DCAF10: variants seen among roughly 807,000 people sequenced by gnomAD.
The protein encoded by DCAF10 is DDB1 and CUL4 associated factor 10, also known as DDB1- and CUL4-associated factor 10.
A neutral mutation model predicts 51.9 loss-of-function variants in DCAF10; 19 were observed. The observed-to-expected ratio is 0.37, with a 90% CI of 0.26 to 0.54. The LOEUF is 0.54. Among genes scored for constraint, DCAF10 ranks in the 20% least tolerant of loss-of-function variants. The pLI is 0.87. For synonymous variants in DCAF10, 291 were observed against 297.1 expected, an observed-to-expected ratio of 0.98 and a Z score of 0.21; for missense variants, 510 against 730.6, an observed-to-expected ratio of 0.70 and a Z score of 3.48.
chr9:37,812,248 ACTT>A (rs1341767607), intron 1 of DCAF10, among the ~76,000 whole-genome samples: 2 of 152,088 alleles, frequency 1.3e-5, no homozygotes, highest in African/African-American at 4.8e-5. Context: ...ATCCCTACCA[ACTT>A]CTTCAAAAAC....
intron 3 of DCAF10, among the ~76,000 whole-genome samples, chr9:37,844,737 G>A (rs2118062907): frequency 6.6e-6 from 1 of 152,242 alleles, no homozygotes; most frequent in Admixed American, 6.5e-5. Context: ...CCCAGCTACT[G>A]AGGCAGGAGA....
In DCAF10 at chr9:37,829,330, C is replaced by G. The variant is rs1829942935; in HGVS notation, c.653+9929C>G. Among the ~76,000 whole-genome samples, 1 of 152,124 alleles carries G rather than the reference C, an allele frequency of 6.6e-6. No homozygotes were observed. The highest frequency in any genetic ancestry group is 2.4e-5 in the African/African-American group (1 of 41,438). On this transcript the variant is annotated intron_variant, in intron 2 of 6. Coordinates refer to ENST00000377724, the MANE Select transcript of DCAF10 (RefSeq NM_024345.5). This position sits in a 1 kb window ranked among gnomAD's most constrained non-coding sequence, Gnocchi z 4.2. ...TCGTGCATGCCTGTAATCCCAGCTA[C>G]TCGGGAGGCTGAGACAGGAGAATCA...
At chr9:37,802,560 T>C (rs1828987632) in intron 1 of DCAF10, among the ~76,000 whole-genome samples, 1 of 152,110 alleles carries the variant, frequency 6.6e-6, no homozygotes, top group Non-Finnish European at 1.5e-5. Context: ...AAAATAGGTT[T>C]ACAAAGCAAA....
intron 1 of DCAF10, among the ~76,000 whole-genome samples, chr9:37,802,054 AC>A (rs1299644180): frequency 6.6e-6 from 1 of 152,190 alleles, no homozygotes; most frequent in Non-Finnish European, 1.5e-5. Flanking sequence ...TCTTGTCAGT[AC>A]ACAAGTCCGC....
intron 5 of DCAF10, among the ~76,000 whole-genome samples, chr9:37,858,893 C>T (rs1401528396): frequency 6.6e-6 from 1 of 151,292 alleles, no homozygotes; most frequent in Non-Finnish European, 1.5e-5. Context: ...TCTTGACCCT[C>T]CAGCCTTCCC....
intron 2 of DCAF10, among the ~76,000 whole-genome samples, chr9:37,834,794 C>CTTTT (rs372584446): frequency 2.1e-5 from 3 of 144,220 alleles, no homozygotes; most frequent in Non-Finnish European, 4.5e-5. Flanking sequence ...CAATCACGTA[C>CTTTT]TTTTTTTTTT....
upstream of DCAF10, chr9:37,800,561 C>T: frequency 6.5e-7 from 1 of 1,534,364 alleles, no homozygotes. Flanking sequence ...GCCACTCATC[C>T]CCAGGCACGC....
intron 1 of DCAF10, among the ~76,000 whole-genome samples, chr9:37,802,876 G>C (rs1829000917): frequency 6.6e-6 from 1 of 152,174 alleles, no homozygotes; most frequent in Non-Finnish European, 1.5e-5. Flanking sequence ...AACACGAACA[G>C]TCTGTCCTCA....
At chr9:37,802,750 C>T (rs1334335307) in intron 1 of DCAF10, among the ~76,000 whole-genome samples, 1 of 152,154 alleles carries the variant, frequency 6.6e-6, no homozygotes, top group African/African-American at 2.4e-5. Context: ...GCAGTGGATG[C>T]ACACCTGAAT....
In DCAF10 at chr9:37,866,174, A is replaced by G. The variant is rs1203837127; in HGVS notation, c.*4666A>G. 2 of 152,624 alleles carry G rather than the reference A, an allele frequency of 1.3e-5. No individual in the cohort carries two copies. The highest frequency in any genetic ancestry group is 2.4e-5 in the African/African-American group (1 of 41,450). The allele number at this position is 152,624 out of a possible 1,614,324, so 9.5% of individuals were successfully genotyped here. ...GTACATATGAATTTTTGGATAGCTA[A>G]TGTATATCTCTCAAGTGCCAACATT... On this transcript the variant is annotated 3_prime_UTR_variant, in exon 7 of 7. Transcript: ENST00000377724.
At chr9:37,819,720 G>A (rs1421673453) in intron 2 of DCAF10, among the ~76,000 whole-genome samples, 1 of 152,178 alleles carries the variant, frequency 6.6e-6, no homozygotes, top group East Asian at 1.9e-4. Flanking sequence ...GATTTGTGTA[G>A]AATGATGGCA....
In DCAF10 at chr9:37,848,989, A is replaced by C. The variant is rs913518344; in HGVS notation, c.852-5791A>C. ...CTCTGTCTCAAAAAAAAAAAAAAAA[A>C]AACTTAATTTACACCTAAAATGAGT... On this transcript the variant is annotated intron_variant, in intron 3 of 6. Coordinates refer to ENST00000377724, the MANE Select transcript of DCAF10 (RefSeq NM_024345.5). Among the ~76,000 whole-genome samples, 350 of 150,226 alleles carry C rather than the reference A, an allele frequency of 2.3e-3. 2 individuals carry two copies. The highest frequency in any genetic ancestry group is 8.2e-3 in the African/African-American group (334 of 40,972).
chr9:37,826,423 T>C (rs1036877058), intron 2 of DCAF10, among the ~76,000 whole-genome samples: 1 of 152,238 alleles, frequency 6.6e-6, no homozygotes. Context: ...TGTATCTTGA[T>C]GGCTGATGGG....
intron 2 of DCAF10, among the ~76,000 whole-genome samples, chr9:37,824,285 C>A (rs1413661783): frequency 1.3e-5 from 2 of 152,034 alleles, no homozygotes; most frequent in Admixed American, 6.6e-5. Context: ...TAGATAGTAA[C>A]AACAAATAGA....
chr9:37,841,942 G>GTA (rs1333517968), intron 2 of DCAF10, 147 bp from the exon 3 acceptor site: 7 of 622,730 alleles, frequency 1.1e-5, no homozygotes, highest in African/African-American at 1.1e-4. Context: ...ACTTTTTATA[G>GTA]TATATCAGTC....
At chr9:37,850,829 TATATATATATATATATA>T (rs1564048664) in intron 3 of DCAF10, among the ~76,000 whole-genome samples, 3,336 of 67,884 alleles carry the variant, frequency 0.049, 142 homozygotes, top group Middle Eastern at 0.065. Flanking sequence ...ATATATTTTA[TATATATATATATATATA>T]TATATATATA....
intron 3 of DCAF10, among the ~76,000 whole-genome samples, chr9:37,853,536 A>G (rs1293639918): frequency 6.6e-6 from 1 of 150,634 alleles, no homozygotes; most frequent in African/African-American, 2.5e-5. Flanking sequence ...GTAAATCTCA[A>G]TATACATTGA....
chr9:37,823,000 G>T (rs980192484), intron 2 of DCAF10, among the ~76,000 whole-genome samples: 1 of 151,838 alleles, frequency 6.6e-6, no homozygotes, highest in East Asian at 1.9e-4. Context: ...TATGTAGTTG[G>T]TATATAAAAA....
chr9:37,811,553 T>A (rs1829349084), intron 1 of DCAF10, among the ~76,000 whole-genome samples: 2 of 151,704 alleles, frequency 1.3e-5, no homozygotes. Flanking sequence ...AACTAGAAGC[T>A]AAAAAAAGAA....
Sources: allele counts gnomAD v4.1 joint callset (sites outside exome capture counted in the v4.1 genomes callset), GRCh38; gene constraint gnomAD v4.1.1; non-coding constraint Gnocchi (gnomAD v3.1); transcripts MANE v1.5; gene names NCBI Gene and HGNC (gene_info 2026-07-23, HGNC 2026-07-21).